Variants in FRYL observed in about 807,000 individuals in gnomAD.
The protein encoded by FRYL is protein furry homolog-like.
Under a neutral mutation model 351.2 loss-of-function variants are expected in FRYL, and 150 were observed. The ratio of observed to expected loss-of-function variants is 0.43; its 90% CI spans 0.37 to 0.49. FRYL has a LOEUF of 0.49. Ranked by LOEUF, FRYL falls within the 20% of genes least tolerant of loss-of-function variation. FRYL has a pLI of 0.00. For missense variants in FRYL, 3,036 were observed against 3,619.3 expected (o/e 0.84, Z 4.13); for synonymous variants, 1,153 against 1,257.1 (o/e 0.92, Z 1.75).
In FRYL at chr4:48,687,500, G is replaced by T. The variant is rs1373467218; in HGVS notation, c.-203-2705C>A. Among the ~76,000 whole-genome samples the T allele has an allele frequency of 2.2e-4, 28 of 129,308 alleles. No individual in the cohort carries two copies. The East Asian group carries it at 5.8e-3, about 27-fold the overall frequency. The allele number at this position is 129,308 out of a possible 152,430, so 84.8% of individuals were successfully genotyped here. A position where few individuals can be genotyped will look rare whatever the true frequency, so the allele number is the denominator to read the frequency against. ...CTCAGGGCAAATGAGGTCGGGGGGG[G>T]GGGGGGTGAGGGGGGAGGGGGGCGG... On this transcript the variant is annotated intron_variant, in intron 2 of 63. Transcript: ENST00000358350.
At chr4:48,668,400 A>AG (rs1762112855) in intron 3 of FRYL, among the ~76,000 whole-genome samples, 1 of 151,750 alleles carries the variant, frequency 6.6e-6, no homozygotes, top group African/African-American at 2.4e-5. Context: ...AAAAAAAAAA[A>AG]AAAGAAAGAA....
intron 49 of FRYL, among the ~76,000 whole-genome samples, chr4:48,533,074 A>C (rs990682285): frequency 6.6e-6 from 1 of 152,146 alleles, no homozygotes; most frequent in Non-Finnish European, 1.5e-5. Context: ...GAGGAAGCTA[A>C]GTTGTGTTTC....
At chr4:48,510,326 G>A (rs1722206567) in intron 58 of FRYL, among the ~76,000 whole-genome samples, 169 bp from the exon 59 acceptor site, 1 of 152,182 alleles carries the variant, frequency 6.6e-6, no homozygotes, top group Middle Eastern at 3.2e-3. Flanking sequence ...GAACAGAGTA[G>A]GAGTGCAGTG....
At chr4:48,779,740 C>T (rs1776454924) in intron 1 of FRYL, among the ~76,000 whole-genome samples, 1 of 151,808 alleles carries the variant, frequency 6.6e-6, no homozygotes, top group African/African-American at 2.4e-5. Context: ...CCCGGGCGCG[C>T]GCGAGAAGAG....
At chr4:48,693,074 A>C (rs1193438966) in intron 2 of FRYL, among the ~76,000 whole-genome samples, 2 of 152,198 alleles carry the variant, frequency 1.3e-5, no homozygotes, top group Non-Finnish European at 2.9e-5. Flanking sequence ...CTGCCTGTTA[A>C]AAAATGCAAA....
At chr4:48,678,690 A>T (rs1764167439) in intron 3 of FRYL, among the ~76,000 whole-genome samples, 1 of 151,932 alleles carries the variant, frequency 6.6e-6, no homozygotes, top group African/African-American at 2.4e-5. Flanking sequence ...CTCAGCCCTG[A>T]ATTTTATTTT....
rs1234955973 is a variant in FRYL, at chr4:48,619,285, C to T, written c.400G>A (p.Val134Ile). ...DFIFCLVLVE[V>I]LKQIPVHPVP... ...ATAAAAGAGCTTACCTGCTTTAGAA[C>T]TTCAACTAAAACTAAACAAAAAATG... Residue 134 changes from valine to isoleucine, a missense_variant, in exon 7 of 64, where the codon GTT (valine) becomes ATT (isoleucine). Val to Ile is a conservative substitution (Grantham distance 29, BLOSUM62 3). Around this residue, in one of 7 missense-constraint regions of FRYL, gnomAD observed 457 missense variants for 566.6 expected, o/e 0.81. Coordinates refer to ENST00000358350, the MANE Select transcript of FRYL (RefSeq NM_015030.2). The T allele has an allele frequency of 1.2e-6, 2 of 1,604,284 alleles. No homozygotes were observed. Among genetic ancestry groups the T allele is most frequent in the South Asian group, 1.1e-5 (1 of 89,914 alleles).
intron 3 of FRYL, among the ~76,000 whole-genome samples, chr4:48,658,121 GTTAC>G (rs1009227706): frequency 4.7e-5 from 7 of 150,040 alleles, no homozygotes; most frequent in South Asian, 2.1e-4. Context: ...TGAATAAAAT[GTTAC>G]TTAATATAGA....
At chr4:48,642,291 A>G (rs1291140362) in intron 3 of FRYL, among the ~76,000 whole-genome samples, 1 of 152,144 alleles carries the variant, frequency 6.6e-6, no homozygotes, top group African/African-American at 2.4e-5. Flanking sequence ...AAAAAACTTG[A>G]CATCTTTATA....
At chr4:48,620,321 T>C (rs897603672) in intron 6 of FRYL, among the ~76,000 whole-genome samples, 27 of 152,356 alleles carry the variant, frequency 1.8e-4, no homozygotes, top group Middle Eastern at 6.8e-3. Flanking sequence ...CTTCTTTGAA[T>C]ATTTTCTTAA....
At chr4:48,704,171 G>A (rs1767054897) in intron 2 of FRYL, among the ~76,000 whole-genome samples, 1 of 151,896 alleles carries the variant, frequency 6.6e-6, no homozygotes, top group African/African-American at 2.4e-5. Context: ...ACAGGAAAAA[G>A]AAAACAAAGA....
chr4:48,511,172 CAA>C (rs1722393523), intron 57 of FRYL, among the ~76,000 whole-genome samples, 188 bp from the exon 58 acceptor site: 1 of 151,922 alleles, frequency 6.6e-6, no homozygotes, highest in African/African-American at 2.4e-5. Flanking sequence ...TAAAAAGAAA[CAA>C]AAATTTACAA....
Position 48,685,997 on chromosome 4 carries a change from C to T in FRYL, c.-203-1202G>A, listed in dbSNP as rs538459635. ...ATCCAACTCTTGACCTCAGGTGATC[C>T]TCCTAAAGGCTGGGATTACAGGCGT... On this transcript the variant is annotated intron_variant, in intron 2 of 63. Transcript: ENST00000358350. Among the ~76,000 whole-genome samples the T allele has an allele frequency of 7.2e-5, 11 of 152,220 alleles. No homozygotes were observed. In the South Asian group the frequency reaches 1.9e-3, roughly 26 times the overall value.
rs148465814 is a variant in FRYL, at chr4:48,499,785, A to C, written c.8784-105T>G. The C allele has an allele frequency of 4.3e-5, 48 of 1,103,770 alleles. No individual in the cohort carries two copies. In the East Asian group the frequency reaches 1.0e-3, roughly 23 times the overall value. The allele number at this position is 1,103,770 out of a possible 1,614,324, so 68.4% of individuals were successfully genotyped here. A position where few individuals can be genotyped will look rare whatever the true frequency, so the allele number is the denominator to read the frequency against. On this transcript the variant is annotated intron_variant, in intron 63 of 63. Transcript: ENST00000358350. The stretch of plus-strand genomic sequence containing the variant: ...ACAACAACATTTCCTTGTGAATAAC[A>C]TGATCTGTTTTAATATTTGAGCAAA...
At chr4:48,580,146 A>G (rs1740575687) in intron 22 of FRYL, among the ~76,000 whole-genome samples, 1 of 152,076 alleles carries the variant, frequency 6.6e-6, no homozygotes. Flanking sequence ...CATATAACTC[A>G]TGAATTATAA....
intron 16 of FRYL, among the ~76,000 whole-genome samples, chr4:48,591,271 G>A (rs1286977399): frequency 2.0e-5 from 3 of 152,146 alleles, no homozygotes; most frequent in Non-Finnish European, 4.4e-5. Context: ...TAGTGAGGGA[G>A]TGACAGTCTT....
chr4:48,547,378 C>T lies in FRYL; in HGVS notation c.5074+206G>A, dbSNP rs375105786. On this transcript the variant is annotated intron_variant, in intron 41 of 63. Coordinates refer to ENST00000358350, the MANE Select transcript of FRYL (RefSeq NM_015030.2). ...TCCTAAGTTAAATCTCGATAAAGAT[C>T]GTTCGAGGTAATGCAGACTCAAATA... The T allele has an allele frequency of 7.0e-4, 259 of 369,528 alleles. 1 individual carries two copies. The highest frequency in any genetic ancestry group is 4.6e-3 in the African/African-American group (222 of 48,144). The allele number at this position is 369,528 out of a possible 1,614,324, so 22.9% of individuals were successfully genotyped here. A position where few individuals can be genotyped will look rare whatever the true frequency, so the allele number is the denominator to read the frequency against.
chr4:48,776,643 G>T (rs1776052945), intron 1 of FRYL, among the ~76,000 whole-genome samples: 1 of 152,152 alleles, frequency 6.6e-6, no homozygotes, highest in South Asian at 2.1e-4. Context: ...AATCACCTGG[G>T]ATTAGGAGAA....
chr4:48,540,649 A>G lies in FRYL; in HGVS notation c.5999T>C (p.Met2000Thr). ...VQSTTEPTNL[M>T]ATIFWIAASL... Reference sequence around the variant, plus strand: ...TGCTGCTATCCAAAAAATGGTGGCCATCAAGTTGGTAGGCTCAGTAGTGGA... The same window carrying G: ...TGCTGCTATCCAAAAAATGGTGGCCGTCAAGTTGGTAGGCTCAGTAGTGGA... Residue 2000 changes from methionine (M) to threonine (T), a missense_variant, in exon 46 of 64, where the codon ATG (methionine) becomes ACG (threonine). This residue lies in a region of FRYL where 1,987 missense variants were observed against 2,311.7 expected (regional missense o/e 0.86). Transcript: ENST00000358350. 1 of 1,614,028 alleles carries G rather than the reference A, an allele frequency of 6.2e-7. No homozygotes were observed. Among genetic ancestry groups the G allele is most frequent in the East Asian group, 2.2e-5 (1 of 44,868 alleles).
Sources: gnomAD v4.1 joint callset for allele counts (sites outside exome capture counted in the v4.1 genomes callset) on GRCh38, gnomAD v4.1.1 for gene constraint, gnomAD v4.1.1 regional missense constraint, MANE v1.5 for transcripts, NCBI Gene and HGNC (gene_info 2026-07-23, HGNC 2026-07-21) for gene names.